FGF13: variants seen among roughly 807,000 people sequenced by gnomAD.
FGF13 encodes the protein fibroblast growth factor 13, also known as fibroblast growth factor homologous factor 2.
Under a neutral mutation model 19.5 loss-of-function variants are expected in FGF13, and 2 were observed. That is an observed-to-expected ratio of 0.10 (90% CI 0.04 to 0.32). The LOEUF (loss-of-function observed/expected upper bound fraction) is 0.32. FGF13 is among the 10% of genes least tolerant of loss of function. The pLI, the probability that FGF13 is intolerant of heterozygous loss-of-function variation, is 1.00. For missense variants in FGF13, 113 were observed against 192.7 expected, an observed-to-expected ratio of 0.59 and a Z score of 2.45; for synonymous variants, 72 against 76.9, an observed-to-expected ratio of 0.94 and a Z score of 0.33.
Position 138,867,830 on chromosome X carries a change from TATC to T in FGF13, c.-112-3183_-112-3181del, listed in dbSNP as rs199725922. On this transcript the variant is annotated intron_variant, in intron 1 of 2. Transcript: ENST00000421460. The stretch of plus-strand genomic sequence containing the variant: ...CTATCTATCTATCTATCTATCTATC[TATC>T]ATCTATCTATCTATCCTCCCTAAGT... Among the ~76,000 whole-genome samples, 495 of 85,039 alleles carry T rather than the reference TATC, an allele frequency of 5.8e-3. 1 individual carries two copies. Among genetic ancestry groups the T allele is most frequent in the East Asian group, 0.037 (78 of 2,080 alleles). 73.8% of individuals were successfully genotyped at this position (85,039 alleles called of 115,157 possible).
At chrX:139,193,397 A>T (rs1347934462) in intron 1 of FGF13, among the ~76,000 whole-genome samples, 1 of 112,374 alleles carries the variant, frequency 8.9e-6, no homozygotes, top group Admixed American at 9.4e-5. Context: ...CATTGTCATT[A>T]CGTAACACAT....
intron 3 of FGF13, among the ~76,000 whole-genome samples, chrX:138,687,916 G>T (rs961734475): frequency 2.7e-5 from 3 of 110,167 alleles, no homozygotes; most frequent in Non-Finnish European, 5.7e-5. Flanking sequence ...GACAAATACT[G>T]CATGTTCTCA....
In FGF13 at chrX:138,624,470, A is replaced by C. The variant is rs964758879; in HGVS notation, c.*8380T>G. The C allele has an allele frequency of 2.7e-5, 3 of 112,835 alleles. No homozygotes were observed. The highest frequency in any genetic ancestry group is 9.7e-5 in the African/African-American group (3 of 31,054). The allele number at this position is 112,835 out of a possible 1,213,427, so 9.3% of individuals were successfully genotyped here. A position where few individuals can be genotyped will look rare whatever the true frequency, so the allele number is the denominator to read the frequency against. ...ACATAAGACCTAAAATTGTAAAATT[A>C]CTAGAATAAGAAATAATGTCTATGG... On this transcript the variant is annotated 3_prime_UTR_variant, in exon 5 of 5. Transcript: ENST00000315930.
At chrX:138,724,480 C>CA (rs1418614779) in intron 1 of FGF13, among the ~76,000 whole-genome samples, 3 of 111,807 alleles carry the variant, frequency 2.7e-5, no homozygotes, top group Non-Finnish European at 5.7e-5. Flanking sequence ...TCCCCCTTGA[C>CA]AGAGTCTCAG....
At chrX:139,057,222 C>T (rs542853455) in intron 1 of FGF13, among the ~76,000 whole-genome samples, 1 of 110,780 alleles carries the variant, frequency 9.0e-6, no homozygotes, top group Middle Eastern at 4.7e-3. Flanking sequence ...CAATTAAATC[C>T]CTGGATAGGA....
rs916245299 is a variant in FGF13 at position 138,629,810 on chromosome X, A to G, written c.*3040T>C. The G allele has an allele frequency of 3.6e-5, 4 of 111,779 alleles. No individual in the cohort carries two copies. The highest frequency in any genetic ancestry group is 1.3e-4 in the African/African-American group (4 of 30,667). The allele number at this position is 111,779 out of a possible 1,213,427, so 9.2% of individuals were successfully genotyped here. ...TTTGGGCCCACACAAGACTCACTCAATCAGAAACTCTGAAGGTGAAGTCCA... is the reference window on the plus strand; with the variant it reads ...TTTGGGCCCACACAAGACTCACTCAGTCAGAAACTCTGAAGGTGAAGTCCA... On this transcript the variant is annotated 3_prime_UTR_variant, in exon 5 of 5. Coordinates refer to ENST00000315930, the MANE Select transcript of FGF13 (RefSeq NM_004114.5).
At chrX:138,668,930 G>T (rs1048158567) in intron 3 of FGF13, among the ~76,000 whole-genome samples, 8 of 111,141 alleles carry the variant, frequency 7.2e-5, no homozygotes, top group African/African-American at 2.6e-4. Context: ...TTAGCAGGAG[G>T]AGTTCATGGA....
At chrX:138,772,152 T>C (rs2090551659) in intron 3 of FGF13, among the ~76,000 whole-genome samples, 1 of 104,412 alleles carries the variant, frequency 9.6e-6, no homozygotes, top group African/African-American at 3.5e-5. Flanking sequence ...ATTAATATAC[T>C]GAATGTAAAA....
At chrX:138,778,072 G>A (rs2090602980) in intron 3 of FGF13, among the ~76,000 whole-genome samples, 1 of 111,908 alleles carries the variant, frequency 8.9e-6, no homozygotes, top group South Asian at 3.8e-4. Flanking sequence ...AATAGGAACA[G>A]CTCCGGTCTA....
At chrX:138,961,241 G>A (rs1317096387) in intron 1 of FGF13, among the ~76,000 whole-genome samples, 1 of 111,918 alleles carries the variant, frequency 8.9e-6, no homozygotes, top group Non-Finnish European at 1.9e-5. Flanking sequence ...CTTTCTGTTT[G>A]TTAGTTTTCC....
intron 1 of FGF13, among the ~76,000 whole-genome samples, chrX:138,990,988 G>A (rs922770686): frequency 8.9e-6 from 1 of 111,830 alleles, no homozygotes; most frequent in Non-Finnish European, 1.9e-5. Flanking sequence ...ACCTCCCTCG[G>A]TATGCATCCT....
intron 1 of FGF13, among the ~76,000 whole-genome samples, chrX:138,709,955 T>G: frequency 9.0e-6 from 1 of 111,571 alleles, no homozygotes; most frequent in South Asian, 3.8e-4. Context: ...CTTATTTTTT[T>G]TGTAATATTT....
intron 1 of FGF13, among the ~76,000 whole-genome samples, chrX:138,726,558 T>A (rs2090187434): frequency 8.9e-6 from 1 of 112,030 alleles, no homozygotes; most frequent in South Asian, 3.7e-4. Context: ...TTCTTGTTGA[T>A]GTACATACAC....
intron 1 of FGF13, among the ~76,000 whole-genome samples, chrX:138,720,181 A>C (rs1281060590): frequency 5.3e-5 from 6 of 112,466 alleles, no homozygotes; most frequent in African/African-American, 1.9e-4. Context: ...TTTAAGCGAA[A>C]TGACATAACG....
chrX:138,913,366 C>T (rs1204768202), intron 1 of FGF13, among the ~76,000 whole-genome samples: 1 of 108,004 alleles, frequency 9.3e-6, no homozygotes, highest in African/African-American at 3.4e-5. Context: ...GGGGTTTCAC[C>T]ATACTGGCCA....
intron 3 of FGF13, among the ~76,000 whole-genome samples, chrX:138,804,715 C>T (rs1318707932): frequency 7.2e-5 from 8 of 111,869 alleles, no homozygotes; most frequent in Non-Finnish European, 1.5e-4. Flanking sequence ...GGCCGCCTTG[C>T]GATTCAAGTC....
intron 1 of FGF13, among the ~76,000 whole-genome samples, chrX:139,108,852 C>A (rs1403632662): frequency 9.6e-6 from 1 of 103,979 alleles, no homozygotes; most frequent in African/African-American, 3.5e-5. Context: ...CCCCACCCCC[C>A]AACAGGCCCC....
At chrX:139,041,029 G>A (rs2092267480) in intron 1 of FGF13, among the ~76,000 whole-genome samples, 1 of 75,648 alleles carries the variant, frequency 1.3e-5, no homozygotes, top group East Asian at 5.0e-4. Context: ...CACATCGGGG[G>A]AACAACACAT....
rs779265992 is a variant in FGF13 at position 138,623,674 on chromosome X, G to A, written c.*9176C>T. The A allele has an allele frequency of 1.8e-5, 2 of 110,770 alleles. No individual in the cohort carries two copies. Among genetic ancestry groups the A allele is most frequent in the South Asian group, 3.9e-4 (1 of 2,593 alleles). 9.1% of individuals were successfully genotyped at this position (110,770 alleles called of 1,213,427 possible). A position where few individuals can be genotyped will look rare whatever the true frequency, so the allele number is the denominator to read the frequency against. The stretch of plus-strand genomic sequence containing the variant: ...CGCCTATAATCCCAGCTACTCGGGA[G>A]GCTGAGGCAAGAGAATCCCTTTAAC... On this transcript the variant is annotated 3_prime_UTR_variant, in exon 5 of 5. Coordinates refer to ENST00000315930, the MANE Select transcript of FGF13 (RefSeq NM_004114.5).
Sources: gnomAD v4.1 joint callset for allele counts (sites outside exome capture counted in the v4.1 genomes callset) on GRCh38, gnomAD v4.1.1 for gene constraint, MANE v1.5 for transcripts, NCBI Gene and HGNC (gene_info 2026-07-23, HGNC 2026-07-21) for gene names.